PKIA: variants seen among roughly 807,000 people sequenced by gnomAD.
The protein encoded by PKIA is PKI-alpha.
Under a neutral mutation model 7.6 loss-of-function variants are expected in PKIA, and 4 were observed. The ratio of observed to expected loss-of-function variants is 0.52; its 90% CI spans 0.26 to 1.20. The LOEUF (loss-of-function observed/expected upper bound fraction) is 1.20, where lower values mean the gene tolerates loss of function less well. Ranked by LOEUF, PKIA falls within the 50% of genes most tolerant of loss-of-function variation. The pLI is 0.13. For missense variants in PKIA, 73 were observed against 86.2 expected (o/e 0.85, Z 0.61); for synonymous variants, 21 against 30.7 (o/e 0.68, Z 1.04).
Position 78,601,727 on chromosome 8 carries a change from GTTT to G in PKIA, c.152-12_152-10del. 6.2e-7 allele frequency: 1 copy of G among 1,603,114 alleles called. No homozygotes were observed. Among genetic ancestry groups the G allele is most frequent in the African/African-American group, 1.3e-5 (1 of 74,682 alleles). On this transcript the variant is annotated splice_polypyrimidine_tract_variant and intron_variant, in intron 3 of 3. Transcript: ENST00000396418. Reference sequence around the variant, plus strand: ...TTTATTTTGCCTTTATTCTGTTTTCGTTTTTCTTTTGCAGAAGGTGAAGAAGAT... The same window carrying G: ...TTTATTTTGCCTTTATTCTGTTTTCGTTCTTTTGCAGAAGGTGAAGAAGAT...
chr8:78,560,089 G>A (rs1027189041), intron 1 of PKIA, among the ~76,000 whole-genome samples: 11 of 151,956 alleles, frequency 7.2e-5, no homozygotes, highest in African/African-American at 2.7e-4. Flanking sequence ...AAAAATAGCT[G>A]GTACACAAAT....
intron 1 of PKIA, among the ~76,000 whole-genome samples, chr8:78,525,549 G>A (rs1809525940): frequency 6.6e-6 from 1 of 151,892 alleles, no homozygotes; most frequent in Non-Finnish European, 1.5e-5. Flanking sequence ...ATCACTAACA[G>A]TTTTAGGCAA....
At chr8:78,567,583 C>T (rs539847947) in intron 1 of PKIA, among the ~76,000 whole-genome samples, 108 of 145,006 alleles carry the variant, frequency 7.4e-4, no homozygotes, top group Non-Finnish European at 1.2e-3. Context: ...CTGAGATAGT[C>T]GTCATCATCA....
At chr8:78,549,625 A>C (rs1806929728) in intron 1 of PKIA, among the ~76,000 whole-genome samples, 1 of 151,866 alleles carries the variant, frequency 6.6e-6, no homozygotes, top group Admixed American at 6.6e-5. Context: ...TATAAGCTTC[A>C]CTGAAAATCA....
At chr8:78,591,608 A>T (rs1267957296) in intron 2 of PKIA, among the ~76,000 whole-genome samples, 1 of 152,176 alleles carries the variant, frequency 6.6e-6, no homozygotes, top group Non-Finnish European at 1.5e-5. Flanking sequence ...ATGCTTTAAA[A>T]TTTAATACAA....
At chr8:78,517,898 A>C (rs548272443) in intron 1 of PKIA, among the ~76,000 whole-genome samples, 156 of 152,334 alleles carry the variant, frequency 1.0e-3, no homozygotes, top group Middle Eastern at 6.8e-3. Context: ...TGTTATCTTT[A>C]AACTTAAAAT....
chr8:78,554,555 G>T (rs1031456781), intron 1 of PKIA, among the ~76,000 whole-genome samples: 3 of 151,956 alleles, frequency 2.0e-5, no homozygotes, highest in African/African-American at 7.2e-5. Flanking sequence ...CCTGCAAATT[G>T]TATTTTATCC....
chr8:78,532,196 T>G (rs1050916242), intron 1 of PKIA, among the ~76,000 whole-genome samples: 14 of 152,050 alleles, frequency 9.2e-5, no homozygotes, highest in Non-Finnish European at 2.1e-4. Flanking sequence ...AATTCTACCT[T>G]TTCTTAAAAT....
Position 78,579,663 on chromosome 8 carries a change from T to C in PKIA, c.-28+6724T>C, listed in dbSNP as rs1028791606. ...ACACGTTTAGCAATGAGCAAGTTTATTAAATAACAAATGCAAAAGTGATAG... is the reference window on the plus strand; with the variant it reads ...ACACGTTTAGCAATGAGCAAGTTTACTAAATAACAAATGCAAAAGTGATAG... On this transcript the variant is annotated intron_variant, in intron 2 of 3. Coordinates refer to ENST00000396418, the MANE Select transcript of PKIA (RefSeq NM_006823.4). 4.6e-5 allele frequency among the ~76,000 whole-genome samples: 7 copies of C among 152,080 alleles called. No individual in the cohort carries two copies. The East Asian group carries it at 1.4e-3, about 29-fold the overall frequency.
At chr8:78,573,898 G>T (rs577535543) in intron 2 of PKIA, among the ~76,000 whole-genome samples, 1 of 151,936 alleles carries the variant, frequency 6.6e-6, no homozygotes, top group Non-Finnish European at 1.5e-5. Flanking sequence ...ACACATATTT[G>T]CCAAGGTCTG....
chr8:78,562,520 A>G (rs1807309630), intron 1 of PKIA, among the ~76,000 whole-genome samples: 1 of 152,166 alleles, frequency 6.6e-6, no homozygotes, highest in Non-Finnish European at 1.5e-5. Context: ...TATCTCTTCC[A>G]GACCTTCATG....
At chr8:78,536,929 C>T (rs1321298755) in intron 1 of PKIA, among the ~76,000 whole-genome samples, 1 of 150,968 alleles carries the variant, frequency 6.6e-6, no homozygotes, top group Non-Finnish European at 1.5e-5. Context: ...ATCCTGGCAT[C>T]TCAGTCAACT....
At chr8:78,550,018 G>A (rs967757748) in intron 1 of PKIA, among the ~76,000 whole-genome samples, 1 of 152,020 alleles carries the variant, frequency 6.6e-6, no homozygotes, top group Non-Finnish European at 1.5e-5. Context: ...ATTAGGCAAA[G>A]ATCCGTTTCT....
At chr8:78,540,049 CTTACAA>C (rs926769080) in intron 1 of PKIA, among the ~76,000 whole-genome samples, 6 of 150,306 alleles carry the variant, frequency 4.0e-5, no homozygotes, top group African/African-American at 1.5e-4. Context: ...TCATTTTCTT[CTTACAA>C]TTACAACATC....
intron 2 of PKIA, among the ~76,000 whole-genome samples, chr8:78,589,016 G>T (rs1037395256): frequency 2.6e-5 from 4 of 152,108 alleles, no homozygotes; most frequent in Non-Finnish European, 5.9e-5. Flanking sequence ...AGAAGTAGCT[G>T]AAGTAAAATT....
Position 78,569,066 on chromosome 8 carries a change from G to T in PKIA, c.-156-3745G>T, listed in dbSNP as rs76763517. Among the ~76,000 whole-genome samples, 702 of 152,116 alleles carry T rather than the reference G, an allele frequency of 4.6e-3. 6 individuals carry two copies. Among genetic ancestry groups the T allele is most frequent in the African/African-American group, 0.016 (660 of 41,510 alleles). Reference sequence around the variant, plus strand: ...ATGGACTCCCTGCACACAGCCATGGGGTCCAGTGGGGAGCTAAGCCCCCGC... The same window carrying T: ...ATGGACTCCCTGCACACAGCCATGGTGTCCAGTGGGGAGCTAAGCCCCCGC... On this transcript the variant is annotated intron_variant, in intron 1 of 3. Transcript: ENST00000396418.
chr8:78,563,471 G>A (rs1312667121), intron 1 of PKIA, among the ~76,000 whole-genome samples: 1 of 152,080 alleles, frequency 6.6e-6, no homozygotes, highest in Non-Finnish European at 1.5e-5. Flanking sequence ...TCAGATTAAA[G>A]GTGGGGTGGT....
chr8:78,524,182 T>TTATATATAAACATTTATATTTATA (rs1180548541), intron 1 of PKIA, among the ~76,000 whole-genome samples: 17 of 135,264 alleles, frequency 1.3e-4, no homozygotes, highest in South Asian at 2.2e-4. Flanking sequence ...ACATTTATAT[T>TTATATATAAACATTTATATTTATA]TATATATAAA....
At chr8:78,537,545 C>T (rs913056138) in intron 1 of PKIA, among the ~76,000 whole-genome samples, 13 of 151,934 alleles carry the variant, frequency 8.6e-5, no homozygotes, top group African/African-American at 2.4e-4. Flanking sequence ...ATGCGATAAC[C>T]GATATATTTT....
Sources: gnomAD v4.1 joint callset for allele counts (sites outside exome capture counted in the v4.1 genomes callset) on GRCh38, gnomAD v4.1.1 for gene constraint, MANE v1.5 for transcripts, NCBI Gene and HGNC (gene_info 2026-07-23, HGNC 2026-07-21) for gene names.